Variants in PRKN observed in about 807,000 individuals in gnomAD.
The protein encoded by PRKN is E3 ubiquitin-protein ligase parkin.
Under a neutral mutation model 59.5 loss-of-function variants are expected in PRKN, and 56 were observed. That is an observed-to-expected ratio of 0.94 (90% CI 0.76 to 1.18). PRKN has a LOEUF of 1.18. Ranked by LOEUF, PRKN falls within the 50% of genes most tolerant of loss-of-function variation. PRKN has a pLI of 0.00. For missense variants in PRKN, 657 were observed against 596.4 expected, an observed-to-expected ratio of 1.10 and a Z score of -1.06; for synonymous variants, 250 against 222.1, an observed-to-expected ratio of 1.13 and a Z score of -1.12.
intron 7 of PRKN, among the ~76,000 whole-genome samples, chr6:161,636,505 G>A (rs922203108): frequency 4.2e-4 from 64 of 152,224 alleles, no homozygotes; most frequent in African/African-American, 1.2e-3. Context: ...AGCAGGGAGC[G>A]TGGTCCTTAA....
At chr6:162,546,634 G>C (rs1779128537) in intron 1 of PRKN, among the ~76,000 whole-genome samples, 3 of 151,620 alleles carry the variant, frequency 2.0e-5, no homozygotes, top group Admixed American at 6.6e-5. Flanking sequence ...AGTTGAGATG[G>C]GGTTTCACCA....
intron 7 of PRKN, among the ~76,000 whole-genome samples, chr6:161,680,580 C>T (rs142822680): frequency 6.6e-6 from 1 of 151,584 alleles, no homozygotes; most frequent in East Asian, 1.9e-4. Context: ...AATTTAAAAT[C>T]TTAGTTGTCA....
chr6:161,909,800 G>A (rs1398174061), intron 6 of PRKN, among the ~76,000 whole-genome samples: 1 of 152,202 alleles, frequency 6.6e-6, no homozygotes, highest in Non-Finnish European at 1.5e-5. Flanking sequence ...TGCTTGATAA[G>A]TGAATGAATG....
intron 4 of PRKN, among the ~76,000 whole-genome samples, chr6:162,081,429 A>C (rs1169897488): frequency 6.6e-6 from 1 of 152,122 alleles, no homozygotes; most frequent in Non-Finnish European, 1.5e-5. Flanking sequence ...TGAAGACTAC[A>C]TTCACTTCCC....
chr6:162,213,025 G>A (rs1341860977), intron 3 of PRKN, among the ~76,000 whole-genome samples: 1 of 152,000 alleles, frequency 6.6e-6, no homozygotes, highest in South Asian at 2.1e-4. Flanking sequence ...GTCTTTATGT[G>A]GTGCATGACT....
intron 3 of PRKN, among the ~76,000 whole-genome samples, chr6:162,236,812 G>C (rs1017537199): frequency 6.6e-5 from 10 of 150,394 alleles, no homozygotes; most frequent in African/African-American, 2.2e-4. Context: ...GAAAGAAAGA[G>C]AGAGAGAGGG....
chr6:162,185,558 C>A (rs1230633818), intron 4 of PRKN, among the ~76,000 whole-genome samples: 2 of 152,128 alleles, frequency 1.3e-5, no homozygotes, highest in Non-Finnish European at 2.9e-5. Context: ...TAAGTGATTT[C>A]AAAATCTTTT....
intron 7 of PRKN, among the ~76,000 whole-genome samples, chr6:161,728,244 G>GGAA (rs568643918): frequency 6.9e-5 from 10 of 145,320 alleles, no homozygotes; most frequent in African/African-American, 2.0e-4. Context: ...CAAAATGTGA[G>GGAA]AAAAAAAAAA....
rs949566389 is a variant in PRKN at position 161,581,409 on chromosome 6, G to A, written c.872-11993C>T. On this transcript the variant is annotated intron_variant, in intron 7 of 11. Transcript: ENST00000366898. The surrounding 1 kb of genome is among the most constrained non-coding windows in gnomAD (Gnocchi z 4.5). Reference sequence around the variant, plus strand: ...TTGGTTATTTAGTGACTTTAAAAATGTCAATTAACTACCATGCCCAATAAG... The same window carrying A: ...TTGGTTATTTAGTGACTTTAAAAATATCAATTAACTACCATGCCCAATAAG... Among the ~76,000 whole-genome samples the A allele has an allele frequency of 6.6e-6, 1 of 152,144 alleles. No individual in the cohort carries two copies. The highest frequency in any genetic ancestry group is 1.5e-5 in the Non-Finnish European group (1 of 68,024).
chr6:161,980,345 C>T lies in PRKN; in HGVS notation c.619-6928G>A, dbSNP rs139573264. 4.4e-3 allele frequency among the ~76,000 whole-genome samples: 675 copies of T among 152,254 alleles called. 8 individuals carry two copies. Among genetic ancestry groups the T allele is most frequent in the African/African-American group, 0.016 (648 of 41,548 alleles). ...TTCTCTTGATAAAGTAATGGGGACA[C>T]ACACTTTCCACTAACAAGGTTGCAA... On this transcript the variant is annotated intron_variant, in intron 5 of 11. Transcript: ENST00000366898.
At chr6:162,274,305 G>A (rs1433594068) in intron 2 of PRKN, among the ~76,000 whole-genome samples, 8 of 151,900 alleles carry the variant, frequency 5.3e-5, no homozygotes, top group Admixed American at 5.3e-4. Context: ...CCTAACCTCA[G>A]CCTCCCCAGT....
Position 162,245,096 on chromosome 6 carries a change from T to G in PRKN, c.412+17429A>C, listed in dbSNP as rs528154498. Reference sequence around the variant, plus strand: ...TACATATTAAATAGGACTATTTTAGTTTCATTCTCTTAATAATCAAAAAAA... The same window carrying G: ...TACATATTAAATAGGACTATTTTAGGTTCATTCTCTTAATAATCAAAAAAA... On this transcript the variant is annotated intron_variant, in intron 3 of 11. Transcript: ENST00000366898. 1.3e-3 allele frequency among the ~76,000 whole-genome samples: 194 copies of G among 152,222 alleles called. 1 individual carries two copies. The highest frequency in any genetic ancestry group is 4.3e-3 in the African/African-American group (178 of 41,554).
At chr6:162,525,207 G>C (rs911140171) in intron 1 of PRKN, among the ~76,000 whole-genome samples, 2 of 152,016 alleles carry the variant, frequency 1.3e-5, no homozygotes, top group African/African-American at 2.4e-5. Flanking sequence ...CCTCCACCAA[G>C]ACCACTCTGA....
chr6:161,425,762 C>T (rs1788315594), intron 9 of PRKN, among the ~76,000 whole-genome samples: 1 of 152,142 alleles, frequency 6.6e-6, no homozygotes, highest in Admixed American at 6.5e-5. Context: ...TCCAAATACT[C>T]AAATTTTGTG....
intron 7 of PRKN, among the ~76,000 whole-genome samples, chr6:161,709,542 G>T (rs1786654148): frequency 6.6e-6 from 1 of 152,108 alleles, no homozygotes; most frequent in African/African-American, 2.4e-5. Flanking sequence ...TCTAACCTTT[G>T]TTCTAAGCAT....
intron 1 of PRKN, among the ~76,000 whole-genome samples, chr6:162,602,657 A>T (rs1482769521): frequency 6.6e-6 from 1 of 152,224 alleles, no homozygotes; most frequent in East Asian, 1.9e-4. Flanking sequence ...CTGAGCTATC[A>T]TAGAAGTGGG....
chr6:161,438,875 T>C (rs1391455064), intron 9 of PRKN, among the ~76,000 whole-genome samples: 5 of 152,074 alleles, frequency 3.3e-5, no homozygotes, highest in African/African-American at 9.7e-5. Context: ...GGAATAGACA[T>C]AGCCATTTTG....
At position 162,668,973 on chromosome 6, in the gene PRKN, G is replaced by C. The variant is rs145017482; in HGVS notation, c.7+58689C>G. 4.4e-3 allele frequency among the ~76,000 whole-genome samples: 665 copies of C among 152,266 alleles called. 3 individuals are homozygous for C. The highest frequency in any genetic ancestry group is 0.015 in the African/African-American group (635 of 41,560). On this transcript the variant is annotated intron_variant, in intron 1 of 11. Transcript: ENST00000366898. ...AATCATGGTTTCCTTCCCATTTTGA[G>C]ATAGACACAATGATTCCCGTTTGAG...
chr6:162,034,542 T>C (rs1469598509), intron 5 of PRKN, among the ~76,000 whole-genome samples: 1 of 106,864 alleles, frequency 9.4e-6, no homozygotes, highest in Non-Finnish European at 2.1e-5. Context: ...TTATAAAAAT[T>C]ACACAAAACT....
Sources: allele counts gnomAD v4.1 joint callset (sites outside exome capture counted in the v4.1 genomes callset), GRCh38; gene constraint gnomAD v4.1.1; non-coding constraint Gnocchi (gnomAD v3.1); transcripts MANE v1.5; gene names NCBI Gene and HGNC (gene_info 2026-07-23, HGNC 2026-07-21).